GRIK3: variants seen among roughly 807,000 people sequenced by gnomAD.
GRIK3 encodes the protein glutamate ionotropic receptor kainate type subunit 3.
GRIK3 carries 29 observed loss-of-function variants against 102.5 expected under a neutral mutation model. That is an observed-to-expected ratio of 0.28 (90% CI 0.21 to 0.39). The LOEUF (loss-of-function observed/expected upper bound fraction) is 0.39. Ranked by LOEUF, GRIK3 falls within the 10% of genes least tolerant of loss-of-function variation. The probability of loss-of-function intolerance (pLI) is 1.00; values close to 1 mark genes in which losing one functional copy is unlikely to be tolerated. For synonymous variants in GRIK3, 511 were observed against 504.9 expected (o/e 1.01, Z -0.16); for missense variants, 908 against 1,252.4 (o/e 0.73, Z 4.15).
At chr1:36,923,151 G>A (rs765903363) in intron 1 of GRIK3, among the ~76,000 whole-genome samples, 2 of 152,234 alleles carry the variant, frequency 1.3e-5, no homozygotes, top group Non-Finnish European at 2.9e-5. Flanking sequence ...CATTATTAAT[G>A]TTTCTGGTTA....
chr1:36,982,147 A>T (rs539308), intron 1 of GRIK3, among the ~76,000 whole-genome samples: 142,469 of 152,246 alleles, frequency 0.94, 66,795 homozygotes, highest in East Asian at 1. Flanking sequence ...GCATGTCTCC[A>T]ATAAACTCTC....
chr1:36,969,630 G>A (rs1642120649), intron 1 of GRIK3, among the ~76,000 whole-genome samples: 1 of 152,222 alleles, frequency 6.6e-6, no homozygotes, highest in African/African-American at 2.4e-5. Flanking sequence ...GCATGATGAG[G>A]AAAGAGTCAC....
chr1:37,022,911 G>A (rs1279862575), intron 1 of GRIK3, among the ~76,000 whole-genome samples: 1 of 152,216 alleles, frequency 6.6e-6, no homozygotes, highest in Non-Finnish European at 1.5e-5. Context: ...AATACAGCAA[G>A]TGCTACAACA....
chr1:37,024,977 T>C (rs934515031), intron 1 of GRIK3, among the ~76,000 whole-genome samples: 1 of 151,988 alleles, frequency 6.6e-6, no homozygotes, highest in Non-Finnish European at 1.5e-5. Context: ...AATCTAGACT[T>C]AGAGAAAGTA....
intron 3 of GRIK3, among the ~76,000 whole-genome samples, chr1:36,879,485 G>C (rs1455754721): frequency 6.6e-6 from 1 of 152,082 alleles, no homozygotes; most frequent in East Asian, 1.9e-4. Flanking sequence ...AGAAAGAGTG[G>C]GTTTTGTTTA....
At chr1:36,977,386 A>G (rs1642206210) in intron 1 of GRIK3, among the ~76,000 whole-genome samples, 1 of 152,216 alleles carries the variant, frequency 6.6e-6, no homozygotes, top group South Asian at 2.1e-4. Context: ...GAGCTGGACC[A>G]TGAAATTCTA....
At chr1:36,975,351 G>C (rs994930093) in intron 1 of GRIK3, among the ~76,000 whole-genome samples, 4 of 141,720 alleles carry the variant, frequency 2.8e-5, no homozygotes, top group Non-Finnish European at 6.0e-5. Context: ...AGTTAGTGCA[G>C]TGGCACGATC....
At chr1:36,882,789 TAGTC>T (rs1217251096) in intron 2 of GRIK3, among the ~76,000 whole-genome samples, 2 of 152,120 alleles carry the variant, frequency 1.3e-5, no homozygotes, top group Non-Finnish European at 2.9e-5. Context: ...TCTGTGAACA[TAGTC>T]AGTGTGGGTT....
chr1:36,861,019 A>T (rs1232477074), intron 5 of GRIK3, among the ~76,000 whole-genome samples: 1 of 152,124 alleles, frequency 6.6e-6, no homozygotes, highest in Non-Finnish European at 1.5e-5. Context: ...AATAGAGGAG[A>T]TACTCCCCAA....
intron 1 of GRIK3, among the ~76,000 whole-genome samples, chr1:36,981,393 C>A (rs1642246648): frequency 6.6e-6 from 1 of 152,110 alleles, no homozygotes; most frequent in Non-Finnish European, 1.5e-5. Flanking sequence ...AGAGAGGGGG[C>A]AGTGAGCCAG....
rs559815358 is a variant in GRIK3 at position 36,845,396 on chromosome 1, T to G, written c.1327-3457A>C. Among the ~76,000 whole-genome samples, 6 of 152,334 alleles carry G rather than the reference T, an allele frequency of 3.9e-5. No individual in the cohort carries two copies. In the South Asian group the frequency reaches 1.2e-3, roughly 32 times the overall value. On this transcript the variant is annotated intron_variant, in intron 9 of 15. Transcript: ENST00000373091. Reference sequence around the variant, plus strand: ...ACAGGGGTCCAGAAAAATAACCGTTTCTGACTTTCCGTTGTCAGGGCTCTT... The same window carrying G: ...ACAGGGGTCCAGAAAAATAACCGTTGCTGACTTTCCGTTGTCAGGGCTCTT...
intron 1 of GRIK3, among the ~76,000 whole-genome samples, chr1:36,949,298 T>C (rs1641816888): frequency 1.3e-5 from 2 of 152,166 alleles, no homozygotes; most frequent in African/African-American, 4.8e-5. Context: ...ACCCTAGTTT[T>C]CATGGTGGCC....
At chr1:36,830,430 G>C (rs1038486440) in intron 10 of GRIK3, among the ~76,000 whole-genome samples, 2 of 151,776 alleles carry the variant, frequency 1.3e-5, no homozygotes, top group African/African-American at 4.8e-5. Flanking sequence ...TGGAAATAAG[G>C]TTTTTGCAGA....
intron 1 of GRIK3, among the ~76,000 whole-genome samples, chr1:36,950,817 G>A (rs954551695): frequency 1.3e-5 from 2 of 152,244 alleles, no homozygotes; most frequent in Admixed American, 1.3e-4. Context: ...AGCTGATCTC[G>A]TGAGTGATCA....
At chr1:37,014,625 C>T (rs1020929589) in intron 1 of GRIK3, among the ~76,000 whole-genome samples, 1 of 152,174 alleles carries the variant, frequency 6.6e-6, no homozygotes, top group Non-Finnish European at 1.5e-5. Flanking sequence ...GGTACTTATC[C>T]AATAGAAGAT....
chr1:36,891,642 T>C (rs1243448488), intron 1 of GRIK3, among the ~76,000 whole-genome samples: 1 of 152,208 alleles, frequency 6.6e-6, no homozygotes, highest in African/African-American at 2.4e-5. Flanking sequence ...CAGCCTTTAA[T>C]ATCATACTAA....
chr1:36,806,047 G>A lies in GRIK3; in HGVS notation c.2314+57C>T, dbSNP rs996061821. The A allele has an allele frequency of 4.2e-6, 5 of 1,198,676 alleles. No homozygotes were observed. Among genetic ancestry groups the A allele is most frequent in the Non-Finnish European group, 6.1e-6 (5 of 816,884 alleles). 74.3% of individuals were successfully genotyped at this position (1,198,676 alleles called of 1,614,324 possible). ...AGACGGAGTGTGAGGGGACGCGGGG[G>A]TGGAGCCCTCCCTCTGCCCACACAC... On this transcript the variant is annotated intron_variant, in intron 14 of 15. Transcript: ENST00000373091. This position sits in a 1 kb window ranked among gnomAD's most constrained non-coding sequence, Gnocchi z 4.0.
At chr1:36,865,562 A>G (rs989644416) in intron 5 of GRIK3, among the ~76,000 whole-genome samples, 1 of 152,208 alleles carries the variant, frequency 6.6e-6, no homozygotes, top group Non-Finnish European at 1.5e-5. Flanking sequence ...CTGGTGCTCC[A>G]ACCGATGGGG....
intron 1 of GRIK3, among the ~76,000 whole-genome samples, chr1:36,960,567 G>C (rs1057453624): frequency 3.3e-5 from 5 of 152,176 alleles, no homozygotes; most frequent in Non-Finnish European, 7.4e-5. Flanking sequence ...CCGCCTCTAG[G>C]CACGGGGTCC....
Sources: allele counts gnomAD v4.1 joint callset (sites outside exome capture counted in the v4.1 genomes callset), GRCh38; gene constraint gnomAD v4.1.1; non-coding constraint Gnocchi (gnomAD v3.1); transcripts MANE v1.5; gene names NCBI Gene and HGNC (gene_info 2026-07-23, HGNC 2026-07-21).